The following DCAF12 variants were observed in gnomAD, a reference collection of about 807,000 sequenced individuals.
The protein encoded by DCAF12 is DDB1- and CUL4-associated factor 12.
In DCAF12, 28 loss-of-function variants were observed where a neutral mutation model predicts 52.8. The ratio of observed to expected loss-of-function variants is 0.53; its 90% CI spans 0.39 to 0.73. The LOEUF is 0.73. DCAF12 is among the 30% of genes least tolerant of loss of function. The pLI, the probability that DCAF12 is intolerant of heterozygous loss-of-function variation, is 0.00. For synonymous variants in DCAF12, 196 were observed against 215.5 expected, an observed-to-expected ratio of 0.91 and a Z score of 0.79; for missense variants, 425 against 552.2, an observed-to-expected ratio of 0.77 and a Z score of 2.31.
At chr9:34,097,253 CT>C (rs1226797429) in intron 5 of DCAF12, among the ~76,000 whole-genome samples, 1 of 143,438 alleles carries the variant, frequency 7.0e-6, no homozygotes, top group African/African-American at 2.5e-5. Context: ...TATTCTGACA[CT>C]GCTTTTTTTT....
chr9:34,108,800 A>AAAAAAAT (rs1376332913), intron 2 of DCAF12, among the ~76,000 whole-genome samples: 1 of 128,402 alleles, frequency 7.8e-6, no homozygotes, highest in East Asian at 2.1e-4. Flanking sequence ...TCTCAAAAAA[A>AAAAAAAT]ATAAATAAAT....
At chr9:34,095,509 C>A (rs948155330) in intron 6 of DCAF12, among the ~76,000 whole-genome samples, 8 of 151,490 alleles carry the variant, frequency 5.3e-5, no homozygotes, top group Non-Finnish European at 8.8e-5. Context: ...GCACTGCTAC[C>A]CTCCAGTAGC....
chr9:34,107,718 T>TA (rs1340467478), intron 2 of DCAF12, among the ~76,000 whole-genome samples, 153 bp from the exon 3 acceptor site: 1 of 152,214 alleles, frequency 6.6e-6, no homozygotes, highest in Non-Finnish European at 1.5e-5. Flanking sequence ...TCAGGACTAC[T>TA]AATGACATGA....
In DCAF12 at chr9:34,093,465, G is replaced by C. The variant is rs372474110; in HGVS notation, c.862-17C>G. ...GGAGAGGAGCTGAAAATAGAGGAGA[G>C]ATATAACCATGGCATCAGCAGAGAG... On this transcript the variant is annotated splice_polypyrimidine_tract_variant and intron_variant, in intron 6 of 8. Transcript: ENST00000361264. The C allele has an allele frequency of 4.7e-5, 76 of 1,612,534 alleles. No individual in the cohort carries two copies. The East Asian group carries it at 8.9e-4, about 19-fold the overall frequency.
chr9:34,099,545 C>T (rs117005636), intron 4 of DCAF12, among the ~76,000 whole-genome samples: 2 of 151,560 alleles, frequency 1.3e-5, no homozygotes, highest in Admixed American at 6.6e-5. Flanking sequence ...AATTCTTTAA[C>T]GAGAATTTTA....
At chr9:34,100,502 T>C (rs920666843) in intron 4 of DCAF12, among the ~76,000 whole-genome samples, 2 of 149,300 alleles carry the variant, frequency 1.3e-5, no homozygotes, top group South Asian at 2.1e-4. Flanking sequence ...CCAGCTTCTT[T>C]TTTTTTTTTT....
At chr9:34,104,891 C>T (rs1015393347) in intron 4 of DCAF12, among the ~76,000 whole-genome samples, 3 of 149,976 alleles carry the variant, frequency 2.0e-5, no homozygotes, top group African/African-American at 7.4e-5. Flanking sequence ...GCACTTTAGC[C>T]TGGGCAACAC....
chr9:34,118,981 A>G (rs1829131245), intron 2 of DCAF12, among the ~76,000 whole-genome samples: 2 of 152,052 alleles, frequency 1.3e-5, no homozygotes, highest in South Asian at 2.1e-4. Flanking sequence ...GAAAATAATA[A>G]TAATAATAAT....
At chr9:34,107,215 T>C in intron 3 of DCAF12, 144 bp downstream of exon 3, 1 of 746,972 alleles carries the variant, frequency 1.3e-6, no homozygotes, top group African/African-American at 1.7e-5. Context: ...TGAGGTGTGC[T>C]GCTTGCCCCT....
At chr9:34,096,887 G>A in intron 5 of DCAF12, 106 bp from the exon 6 acceptor site, 3 of 958,294 alleles carry the variant, frequency 3.1e-6, no homozygotes, top group Non-Finnish European at 4.8e-6. Flanking sequence ...CCTGTCTCGT[G>A]ATGATTCCAG....
At chr9:34,118,386 A>G (rs1829118948) in intron 2 of DCAF12, among the ~76,000 whole-genome samples, 1 of 152,156 alleles carries the variant, frequency 6.6e-6, no homozygotes, top group East Asian at 1.9e-4. Context: ...CACCTGCCTC[A>G]GCCTCCCAAA....
chr9:34,114,330 AG>A (rs1292237876), intron 2 of DCAF12, among the ~76,000 whole-genome samples: 2 of 152,124 alleles, frequency 1.3e-5, no homozygotes, highest in East Asian at 3.9e-4. Context: ...TGGGAGTCTG[AG>A]GCTGGTGGAT....
intron 1 of DCAF12, chr9:34,125,737 C>T (rs1191035865): frequency 3.1e-6 from 1 of 326,174 alleles, no homozygotes; most frequent in Admixed American, 3.9e-5. Flanking sequence ...AATGACCGTT[C>T]CTCTGTCATC....
intron 4 of DCAF12, among the ~76,000 whole-genome samples, chr9:34,101,089 T>C (rs944543636): frequency 9.4e-6 from 1 of 106,106 alleles, no homozygotes; most frequent in African/African-American, 3.8e-5. Flanking sequence ...TTTTTTTAAA[T>C]GAGACAGGTT....
At chr9:34,120,198 C>T (rs1386554437) in intron 2 of DCAF12, among the ~76,000 whole-genome samples, 18 of 92,714 alleles carry the variant, frequency 1.9e-4, no homozygotes, top group Admixed American at 4.4e-4. Flanking sequence ...AATGAAAGTC[C>T]GTCTCAAAAA....
chr9:34,106,323 G>A (rs1828902948), intron 4 of DCAF12, 111 bp downstream of exon 4: 10 of 848,130 alleles, frequency 1.2e-5, no homozygotes, highest in Middle Eastern at 2.3e-4. Flanking sequence ...GATTATAGGC[G>A]TGAGTCACTG....
At chr9:34,114,388 C>A (rs537610867) in intron 2 of DCAF12, among the ~76,000 whole-genome samples, 2 of 152,240 alleles carry the variant, frequency 1.3e-5, no homozygotes, top group Non-Finnish European at 1.5e-5. Context: ...TATGGTGAAA[C>A]CTTGTCTCTA....
intron 2 of DCAF12, among the ~76,000 whole-genome samples, chr9:34,116,727 A>C (rs1829093268): frequency 6.6e-6 from 1 of 152,158 alleles, no homozygotes; most frequent in African/African-American, 2.4e-5. Context: ...CACGCCTGTA[A>C]TCCTAGCACT....
At chr9:34,112,817 G>A (rs901598083) in intron 2 of DCAF12, among the ~76,000 whole-genome samples, 19 of 151,984 alleles carry the variant, frequency 1.3e-4, no homozygotes, top group Non-Finnish European at 4.4e-5. Context: ...TGAATCGCTT[G>A]AACCCGGGAG....
Sources: allele counts gnomAD v4.1 joint callset (sites outside exome capture counted in the v4.1 genomes callset), GRCh38; gene constraint gnomAD v4.1.1; transcripts MANE v1.5; gene names NCBI Gene and HGNC (gene_info 2026-07-23, HGNC 2026-07-21).